EEPD1: variants seen among roughly 807,000 people sequenced by gnomAD.
EEPD1 encodes the protein endonuclease/exonuclease/phosphatase family domain-containing protein 1.
A neutral mutation model predicts 46.3 loss-of-function variants in EEPD1; 17 were observed. The ratio of observed to expected loss-of-function variants is 0.37; its 90% CI spans 0.25 to 0.55. The LOEUF is 0.55. Among genes scored for constraint, EEPD1 ranks in the 20% least tolerant of loss-of-function variants. The pLI is 0.83. For missense variants in EEPD1, 673 were observed against 745.6 expected (o/e 0.90, Z 1.13); for synonymous variants, 313 against 315.6 (o/e 0.99, Z 0.09).
chr7:36,249,884 G>T (rs1786706595), intron 3 of EEPD1, among the ~76,000 whole-genome samples: 1 of 152,118 alleles, frequency 6.6e-6, no homozygotes, highest in Non-Finnish European at 1.5e-5. Context: ...AAAACAGGTT[G>T]TCAAGAGGGA....
intron 2 of EEPD1, among the ~76,000 whole-genome samples, chr7:36,185,236 G>C (rs1785344841): frequency 6.6e-6 from 1 of 152,184 alleles, no homozygotes; most frequent in Non-Finnish European, 1.5e-5. Context: ...CTCATAAATG[G>C]AATAGCATGC....
At chr7:36,161,241 G>A (rs560298409) in intron 2 of EEPD1, among the ~76,000 whole-genome samples, 3 of 152,192 alleles carry the variant, frequency 2.0e-5, no homozygotes, top group Admixed American at 6.5e-5. Flanking sequence ...AGGCATGGGC[G>A]CAGGAAGACC....
chr7:36,155,302 G>C, intron 2 of EEPD1, 100 bp downstream of exon 2: 1 of 1,354,618 alleles, frequency 7.4e-7, no homozygotes, highest in South Asian at 2.0e-5. Context: ...GGTAGGGAGG[G>C]TGCAAGAGTT....
At position 36,154,944 on chromosome 7, in the gene EEPD1, C is replaced by T. The variant is rs778205698; in HGVS notation, c.620C>T (p.Thr207Met). 2.5e-6 allele frequency: 4 copies of T among 1,614,046 alleles called. No individual in the cohort carries two copies. The East Asian group carries it at 6.7e-5, about 27-fold the overall frequency. Residue 207 changes from threonine to methionine, a missense_variant, in exon 2 of 8, where the codon ACG becomes ATG. By Grantham distance (81) the Thr-to-Met change is moderately conservative (BLOSUM62 -1). Coordinates refer to ENST00000242108, the MANE Select transcript of EEPD1 (RefSeq NM_030636.3). This position sits in a 1 kb window ranked among gnomAD's most constrained non-coding sequence, Gnocchi z 4.2. ...AGGTCCAGGCCCCCATCCACCCACA[C>T]GAACGGGGGACTGACCTTCACCGCC... is the stretch of plus-strand genomic sequence containing the variant. ...AERSRPPSTH[T>M]NGGLTFTAKP...
chr7:36,268,688 C>A (rs1381583593), intron 3 of EEPD1, among the ~76,000 whole-genome samples: 2 of 152,178 alleles, frequency 1.3e-5, no homozygotes, highest in Non-Finnish European at 2.9e-5. Flanking sequence ...GAAGGGGGAT[C>A]TGTCTCTCTG....
chr7:36,201,462 G>T (rs1309611515), intron 2 of EEPD1, among the ~76,000 whole-genome samples: 1 of 152,154 alleles, frequency 6.6e-6, no homozygotes, highest in African/African-American at 2.4e-5. Flanking sequence ...GAAAGGTCTG[G>T]ACTAGGTTCG....
intron 3 of EEPD1, among the ~76,000 whole-genome samples, chr7:36,254,881 T>C (rs1786804343): frequency 6.6e-6 from 1 of 152,246 alleles, no homozygotes; most frequent in African/African-American, 2.4e-5. Flanking sequence ...ATTTCTCTAA[T>C]GACCAGTGAT....
intron 2 of EEPD1, among the ~76,000 whole-genome samples, chr7:36,204,725 T>C (rs1785781612): frequency 6.6e-6 from 1 of 152,212 alleles, no homozygotes; most frequent in East Asian, 1.9e-4. Flanking sequence ...CCTTCCTGGG[T>C]GCACCTCTTC....
At position 36,193,220 on chromosome 7, in the gene EEPD1, CAGA is replaced by C. The variant is rs993945525; in HGVS notation, c.878+38023_878+38025del. Among the ~76,000 whole-genome samples, 3 of 152,118 alleles carry C rather than the reference CAGA, an allele frequency of 2.0e-5. No individual in the cohort carries two copies. Among genetic ancestry groups the C allele is most frequent in the African/African-American group, 7.2e-5 (3 of 41,420 alleles). ...TGAGTGGGATGGCAGGGAAGGGTCCCAGAAGAACTGATGAGGAATGCCAAGGTG... is the reference window on the plus strand; with the variant it reads ...TGAGTGGGATGGCAGGGAAGGGTCCCAGAACTGATGAGGAATGCCAAGGTG... On this transcript the variant is annotated intron_variant, in intron 2 of 7. Coordinates refer to ENST00000242108, the MANE Select transcript of EEPD1 (RefSeq NM_030636.3). This position sits in a 1 kb window ranked among gnomAD's most constrained non-coding sequence, Gnocchi z 4.9.
In EEPD1 at chr7:36,154,591, C is replaced by G; in HGVS notation, c.267C>G (p.Thr89=). ...DLALVSGVGA[T]KLEQVKFEIC... is the part of the protein sequence containing the mutation. ...CATTGGTCAGTGGTGTAGGCGCCAC[C>G]AAGCTGGAGCAGGTCAAGTTTGAGA... is the stretch of plus-strand genomic sequence containing the variant. The change falls in exon 2 of 8, where the codon ACC becomes ACG. Residue 89 remains threonine, a synonymous_variant. Transcript: ENST00000242108. This position sits in a 1 kb window ranked among gnomAD's most constrained non-coding sequence, Gnocchi z 4.2. 1.2e-6 allele frequency: 2 copies of G among 1,614,098 alleles called. 1 individual carries two copies.
At chr7:36,187,916 C>A (rs1785389488) in intron 2 of EEPD1, among the ~76,000 whole-genome samples, 2 of 152,214 alleles carry the variant, frequency 1.3e-5, no homozygotes, top group South Asian at 4.1e-4. Context: ...CCTGCCTCAG[C>A]CTCCTGAGTA....
chr7:36,199,353 T>C (rs1785671958), intron 2 of EEPD1, among the ~76,000 whole-genome samples: 1 of 152,186 alleles, frequency 6.6e-6, no homozygotes, highest in African/African-American at 2.4e-5. Context: ...TATGGAAAGC[T>C]CATTACCTGC....
chr7:36,232,908 G>A (rs1156250462), intron 2 of EEPD1, among the ~76,000 whole-genome samples: 2 of 152,062 alleles, frequency 1.3e-5, no homozygotes, highest in Non-Finnish European at 2.9e-5. Context: ...TTGTTCTGCT[G>A]TGGCTTGAAT....
chr7:36,287,906 G>A (rs196596), intron 6 of EEPD1, 129 bp downstream of exon 6: 119,831 of 1,325,444 alleles, frequency 0.09, 6,151 homozygotes, highest in Non-Finnish European at 0.1. Context: ...ACAGGGGACA[G>A]TCAAACCTCT....
At chr7:36,183,187 C>T (rs916595097) in intron 2 of EEPD1, among the ~76,000 whole-genome samples, 2 of 152,204 alleles carry the variant, frequency 1.3e-5, no homozygotes, top group African/African-American at 4.8e-5. Context: ...TCCTGAGTGT[C>T]TTTGCTGTGT....
intron 2 of EEPD1, among the ~76,000 whole-genome samples, chr7:36,158,548 G>T (rs1300149129): frequency 6.6e-6 from 1 of 152,152 alleles, no homozygotes; most frequent in Non-Finnish European, 1.5e-5. Context: ...AAACTGTTTT[G>T]CAAGTGAGGC....
At chr7:36,286,100 G>A (rs1167267730) in intron 5 of EEPD1, among the ~76,000 whole-genome samples, 2 of 152,156 alleles carry the variant, frequency 1.3e-5, no homozygotes, top group Non-Finnish European at 2.9e-5. Flanking sequence ...TTATGGCCAT[G>A]TAACCCTATG....
intron 2 of EEPD1, among the ~76,000 whole-genome samples, chr7:36,221,609 T>C (rs1359182240): frequency 6.6e-6 from 1 of 152,172 alleles, no homozygotes; most frequent in South Asian, 2.1e-4. Flanking sequence ...AGGTTGTGGG[T>C]CAATCATTTA....
At chr7:36,215,541 G>A (rs912326373) in intron 2 of EEPD1, among the ~76,000 whole-genome samples, 3 of 152,234 alleles carry the variant, frequency 2.0e-5, no homozygotes, top group Non-Finnish European at 4.4e-5. Context: ...AAATTTCACA[G>A]CCAGCCAAAG....
Sources: gnomAD v4.1 joint callset for allele counts (sites outside exome capture counted in the v4.1 genomes callset) on GRCh38, gnomAD v4.1.1 for gene constraint, Gnocchi (gnomAD v3.1) non-coding constraint, MANE v1.5 for transcripts, NCBI Gene and HGNC (gene_info 2026-07-23, HGNC 2026-07-21) for gene names.